TEAD1: variants seen among roughly 807,000 people sequenced by gnomAD.
TEAD1 encodes TEA domain transcription factor 1.
A neutral mutation model predicts 54.9 loss-of-function variants in TEAD1; 9 were observed. The ratio of observed to expected loss-of-function variants is 0.16; its 90% confidence interval spans 0.10 to 0.29. TEAD1 has a LOEUF of 0.29. TEAD1 is among the 10% of genes least tolerant of loss of function. The pLI is 1.00. For synonymous variants in TEAD1, 200 were observed against 187.8 expected (o/e 1.07, Z -0.53); for missense variants, 387 against 535.9 (o/e 0.72, Z 2.74).
chr11:12,800,171 T>C (rs1401386169), intron 3 of TEAD1, among the ~76,000 whole-genome samples: 3 of 152,186 alleles, frequency 2.0e-5, no homozygotes, highest in Non-Finnish European at 1.5e-5. Context: ...CGTGCCAGTA[T>C]ACAAAAATGT....
At chr11:12,683,527 A>G (rs892238946) in intron 2 of TEAD1, among the ~76,000 whole-genome samples, 1 of 152,174 alleles carries the variant, frequency 6.6e-6, no homozygotes, top group Non-Finnish European at 1.5e-5. Flanking sequence ...GCCCTGTGGT[A>G]GGAACTGAGG....
intron 3 of TEAD1, among the ~76,000 whole-genome samples, chr11:12,776,554 T>C (rs1176830423): frequency 1.3e-5 from 2 of 152,054 alleles, no homozygotes; most frequent in African/African-American, 4.8e-5. Context: ...CTGGGTACTT[T>C]ACAGTGTGCT....
intron 9 of TEAD1, among the ~76,000 whole-genome samples, chr11:12,886,309 G>A (rs1365165862): frequency 6.6e-6 from 1 of 152,128 alleles, no homozygotes; most frequent in African/African-American, 2.4e-5. Context: ...TGCTGTTGTT[G>A]AATAAAAAAG....
At chr11:12,825,726 T>G (rs1249484771) in intron 3 of TEAD1, among the ~76,000 whole-genome samples, 1 of 152,090 alleles carries the variant, frequency 6.6e-6, no homozygotes, top group Non-Finnish European at 1.5e-5. Context: ...AAAAAAAGAT[T>G]AGGGGTCTTA....
rs1343762578 is a variant in TEAD1, at chr11:12,930,276, C to T, written c.1117C>T (p.Pro373Ser). 2 of 1,614,160 alleles carry T rather than the reference C, an allele frequency of 1.2e-6. No individual in the cohort carries two copies. Among genetic ancestry groups the T allele is most frequent in the Admixed American group, 1.7e-5 (1 of 60,026 alleles). The change falls in exon 12 of 13, where the codon CCA becomes TCA. Residue 373 changes from proline (P) to serine (S), a missense_variant. Around this residue, in one of 5 missense-constraint regions of TEAD1, gnomAD observed 123 missense variants for 199.0 expected, o/e 0.62. Coordinates refer to ENST00000527636, the MANE Select transcript of TEAD1 (RefSeq NM_021961.6). ...CTTCATCCACAAGCTCAAACACTTA[C>T]CAGAGAAATATATGATGAACAGTGT...
At chr11:12,815,325 TATAAC>T (rs1946393968) in intron 3 of TEAD1, among the ~76,000 whole-genome samples, 1 of 152,296 alleles carries the variant, frequency 6.6e-6, no homozygotes, top group East Asian at 1.9e-4. Context: ...TGCCCTCATT[TATAAC>T]ATAACATAAA....
chr11:12,935,448 ATTT>A (rs1949082595), intron 12 of TEAD1, among the ~76,000 whole-genome samples: 3 of 150,700 alleles, frequency 2.0e-5, no homozygotes, highest in Admixed American at 2.0e-4. Context: ...GCAATTATTT[ATTT>A]ATTTATTTAT....
intron 5 of TEAD1, among the ~76,000 whole-genome samples, chr11:12,877,613 C>G (rs1034603820): frequency 1.3e-5 from 2 of 151,752 alleles, no homozygotes; most frequent in African/African-American, 4.8e-5. Flanking sequence ...GAGCTGAGAT[C>G]ATGCCACTGC....
At chr11:12,795,045 A>G (rs1243183357) in intron 3 of TEAD1, among the ~76,000 whole-genome samples, 1 of 152,224 alleles carries the variant, frequency 6.6e-6, no homozygotes, top group Non-Finnish European at 1.5e-5. Flanking sequence ...ACCTAAAACA[A>G]CAGGCATTTA....
intron 9 of TEAD1, among the ~76,000 whole-genome samples, chr11:12,897,355 G>A (rs1292086743): frequency 1.3e-5 from 2 of 152,170 alleles, no homozygotes; most frequent in Non-Finnish European, 2.9e-5. Flanking sequence ...TCACCAAAGG[G>A]TTTTTAGAAT....
At chr11:12,732,690 A>G (rs553693743) in intron 2 of TEAD1, among the ~76,000 whole-genome samples, 1 of 152,320 alleles carries the variant, frequency 6.6e-6, no homozygotes, top group South Asian at 2.1e-4. Flanking sequence ...GGAATTCCTT[A>G]GTGGACAGTT....
intron 3 of TEAD1, among the ~76,000 whole-genome samples, chr11:12,813,698 T>C (rs1169070327): frequency 1.3e-5 from 2 of 152,224 alleles, no homozygotes; most frequent in Non-Finnish European, 2.9e-5. Flanking sequence ...TTCATTGAGA[T>C]GCTAACCATG....
rs151024524 is a variant in TEAD1, at chr11:12,900,362, A to G, written c.700-1578A>G. The stretch of plus-strand genomic sequence containing the variant: ...AGGCATGAGCCACCATGGCCAGTCA[A>G]TGGCACTGCTTTTAATACGCTAGTA... On this transcript the variant is annotated intron_variant, in intron 9 of 12. Transcript: ENST00000527636. Among the ~76,000 whole-genome samples the G allele has an allele frequency of 7.5e-4, 115 of 152,318 alleles. 1 individual carries two copies. Among genetic ancestry groups the G allele is most frequent in the Non-Finnish European group, 1.4e-3 (93 of 68,034 alleles).
rs1412900699 is a variant in TEAD1 at position 12,943,181 on chromosome 11, A to C, written c.*5959A>C. 6.6e-6 allele frequency: 1 copy of C among 152,240 alleles called. No homozygotes were observed. Among genetic ancestry groups the C allele is most frequent in the African/African-American group, 2.4e-5 (1 of 41,444 alleles). The allele number at this position is 152,240 out of a possible 1,614,324, so 9.4% of individuals were successfully genotyped here. ...CTCCAAGTTGTAAGTATTTGTAGAA[A>C]TTTGTGCAAACAAACAAAAACTATC... On this transcript the variant is annotated 3_prime_UTR_variant, in exon 13 of 13. Transcript: ENST00000527636.
chr11:12,824,770 G>A (rs2134008387), intron 3 of TEAD1, among the ~76,000 whole-genome samples: 1 of 152,262 alleles, frequency 6.6e-6, no homozygotes, highest in East Asian at 1.9e-4. Context: ...AGGTAGAGAG[G>A]GTTGATGGGG....
intron 12 of TEAD1, among the ~76,000 whole-genome samples, chr11:12,935,283 G>A (rs991909611): frequency 2.6e-5 from 4 of 152,128 alleles, no homozygotes; most frequent in Admixed American, 6.5e-5. Flanking sequence ...ATGACCAAAC[G>A]AACCTCTCAG....
At chr11:12,842,231 C>T (rs1159992411) in intron 3 of TEAD1, among the ~76,000 whole-genome samples, 1 of 152,192 alleles carries the variant, frequency 6.6e-6, no homozygotes, top group Non-Finnish European at 1.5e-5. Context: ...CTCCAAATCT[C>T]TGCAGCAAGA....
chr11:12,800,294 C>T (rs1287047907), intron 3 of TEAD1, among the ~76,000 whole-genome samples: 1 of 152,206 alleles, frequency 6.6e-6, no homozygotes, highest in Non-Finnish European at 1.5e-5. Flanking sequence ...GCCGGTTTTA[C>T]CTCTTAGCTT....
intron 3 of TEAD1, among the ~76,000 whole-genome samples, chr11:12,778,963 C>T (rs1052757644): frequency 6.6e-6 from 1 of 152,170 alleles, no homozygotes; most frequent in African/African-American, 2.4e-5. Context: ...ATTGATCTTA[C>T]ACCTGAGATG....
Sources: gnomAD v4.1 joint callset for allele counts (sites outside exome capture counted in the v4.1 genomes callset) on GRCh38, gnomAD v4.1.1 for gene constraint, gnomAD v4.1.1 regional missense constraint, MANE v1.5 for transcripts, NCBI Gene and HGNC (gene_info 2026-07-23, HGNC 2026-07-21) for gene names.